Variants in MBP observed in about 807,000 individuals in gnomAD.
The protein encoded by MBP is Golli-MBP.
Under a neutral mutation model 35.8 loss-of-function variants are expected in MBP, and 16 were observed. That is an observed-to-expected ratio of 0.45 (90% CI 0.30 to 0.68). The LOEUF is 0.68. MBP is among the 30% of genes least tolerant of loss of function. The pLI, the probability that MBP is intolerant of heterozygous loss-of-function variation, is 0.08. For synonymous variants in MBP, 143 were observed against 159.6 expected, an observed-to-expected ratio of 0.90 and a Z score of 0.78; for missense variants, 380 against 404.7, an observed-to-expected ratio of 0.94 and a Z score of 0.52.
chr18:77,039,296 T>C lies in MBP; in HGVS notation c.140-22028A>G, dbSNP rs559461459. Among the ~76,000 whole-genome samples, 7 of 152,230 alleles carry C rather than the reference T, an allele frequency of 4.6e-5. No homozygotes were observed. In the East Asian group the frequency reaches 1.4e-3, roughly 29 times the overall value. ...TTAAAGTTCTAAGAACAGGCAGGGG[T>C]GACTAGTTGGTGCTGCCCTGATGGG... is the stretch of plus-strand genomic sequence containing the variant. On this transcript the variant is annotated intron_variant, in intron 3 of 8. Coordinates refer to ENST00000355994, the MANE Select transcript of MBP (RefSeq NM_001025101.2).
At chr18:76,986,023 A>C in intron 7 of MBP, 3 of 985,560 alleles carry the variant, frequency 3.0e-6, no homozygotes, top group Non-Finnish European at 3.6e-6. Flanking sequence ...TGGGAACTCC[A>C]CTGCAAACAT....
intron 3 of MBP, among the ~76,000 whole-genome samples, chr18:77,043,233 C>T (rs924403969): frequency 3.3e-5 from 5 of 152,114 alleles, no homozygotes; most frequent in African/African-American, 1.2e-4. Flanking sequence ...ACAATGGGCA[C>T]TTACAATAAT....
chr18:77,100,627 C>A lies in MBP; in HGVS notation c.51+4584G>T, dbSNP rs563902981. On this transcript the variant is annotated intron_variant, in intron 2 of 8. Coordinates refer to ENST00000355994, the MANE Select transcript of MBP (RefSeq NM_001025101.2). ...GTGCAGTGGTGTGATCATGGCTCAC[C>A]GTAGCCTCGACCTCTCCAGGCTCAG... Among the ~76,000 whole-genome samples, 42 of 151,876 alleles carry A rather than the reference C, an allele frequency of 2.8e-4. 1 individual carries two copies. Among genetic ancestry groups the A allele is most frequent in the Admixed American group, 5.9e-4 (9 of 15,262 alleles).
At chr18:77,058,346 CG>C (rs1391553497) in intron 3 of MBP, among the ~76,000 whole-genome samples, 1 of 152,192 alleles carries the variant, frequency 6.6e-6, no homozygotes, top group Non-Finnish European at 1.5e-5. Context: ...CTCCACGCTG[CG>C]GGGAGGCCAA....
intron 3 of MBP, among the ~76,000 whole-genome samples, chr18:77,063,422 G>A (rs778541870): frequency 6.6e-6 from 1 of 152,140 alleles, no homozygotes; most frequent in Non-Finnish European, 1.5e-5. Context: ...AGGATGCCTG[G>A]ACCACAAGCT....
Position 76,988,963 on chromosome 18 carries a change from T to C in MBP, c.682-51A>G, listed in dbSNP as rs750363661. 2 of 1,586,948 alleles carry C rather than the reference T, an allele frequency of 1.3e-6. No homozygotes were observed. The highest frequency in any genetic ancestry group is 1.7e-6 in the Non-Finnish European group (2 of 1,155,414). On this transcript the variant is annotated intron_variant, in intron 5 of 8. Coordinates refer to ENST00000355994, the MANE Select transcript of MBP (RefSeq NM_001025101.2). The surrounding 1 kb of genome is among the most constrained non-coding windows in gnomAD (Gnocchi z 5.2). Reference sequence around the variant, plus strand: ...CTGCACTGGGAGCCCTGTGCCGCCGTCCATTTCCTAACGGGCTCCTGCCTG... The same window carrying C: ...CTGCACTGGGAGCCCTGTGCCGCCGCCCATTTCCTAACGGGCTCCTGCCTG...
intron 3 of MBP, among the ~76,000 whole-genome samples, chr18:77,060,408 A>G (rs1599162982): frequency 1.3e-5 from 2 of 150,390 alleles, no homozygotes; most frequent in Admixed American, 6.6e-5. Flanking sequence ...GAGATGTTAA[A>G]GCATCCTGTA....
At chr18:76,991,485 G>A (rs112778076) in intron 4 of MBP, among the ~76,000 whole-genome samples, 12 of 152,280 alleles carry the variant, frequency 7.9e-5, no homozygotes, top group African/African-American at 2.6e-4. Flanking sequence ...TTGTCTGCTC[G>A]GCTCTCAGCT....
At chr18:77,080,707 G>A (rs1277393868) in intron 2 of MBP, among the ~76,000 whole-genome samples, 1 of 151,902 alleles carries the variant, frequency 6.6e-6, no homozygotes, top group Non-Finnish European at 1.5e-5. Context: ...TTTTTATGAT[G>A]AAGTCTCACT....
At chr18:77,084,047 G>A (rs771501766) in intron 2 of MBP, among the ~76,000 whole-genome samples, 3 of 151,838 alleles carry the variant, frequency 2.0e-5, no homozygotes, top group Non-Finnish European at 4.4e-5. Context: ...CTCAGTTTAT[G>A]GGTAGTTAAA....
rs984643109 is a variant in MBP at position 76,987,793 on chromosome 18, G to T, written c.750+702C>A. ...ATTTGCTAGTAACTAAAGTCTGTAAGTTTGGTTAGAATATAATGATTGGCA... is the reference window on the plus strand; with the variant it reads ...ATTTGCTAGTAACTAAAGTCTGTAATTTTGGTTAGAATATAATGATTGGCA... On this transcript the variant is annotated intron_variant, in intron 7 of 8. Transcript: ENST00000355994. 5 of 1,016,782 alleles carry T rather than the reference G, an allele frequency of 4.9e-6. No homozygotes were observed. In the African/African-American group the frequency reaches 5.2e-5, roughly 11 times the overall value. The allele number at this position is 1,016,782 out of a possible 1,614,324, so 63.0% of individuals were successfully genotyped here.
In MBP at chr18:76,989,622, G is replaced by GC. The variant is rs1969774171; in HGVS notation, c.681+333dup. ...AAAAATGCCCTGTGCTCTCTCTGCT[G>GC]CCCCCTCCGCTCCCAGCCCATGGCA... On this transcript the variant is annotated intron_variant, in intron 5 of 8. Transcript: ENST00000355994. The surrounding 1 kb of genome is among the most constrained non-coding windows in gnomAD (Gnocchi z 4.0). 5 of 311,370 alleles carry GC rather than the reference G, an allele frequency of 1.6e-5. No homozygotes were observed. Among genetic ancestry groups the GC allele is most frequent in the Non-Finnish European group, 2.4e-5 (4 of 163,416 alleles). 19.3% of individuals were successfully genotyped at this position (311,370 alleles called of 1,614,324 possible).
chr18:77,075,997 T>A (rs1324072064), intron 2 of MBP, among the ~76,000 whole-genome samples: 1 of 152,238 alleles, frequency 6.6e-6, no homozygotes, highest in Non-Finnish European at 1.5e-5. Context: ...CGATTACATT[T>A]ATCATGAACC....
Position 77,013,218 on chromosome 18 carries a change from C to T in MBP, c.576+3614G>A, listed in dbSNP as rs1971446829. 7.1e-6 allele frequency: 7 copies of T among 985,336 alleles called. No individual in the cohort carries two copies. In the South Asian group the frequency reaches 3.3e-4, roughly 46 times the overall value. The allele number at this position is 985,336 out of a possible 1,614,324, so 61.0% of individuals were successfully genotyped here. ...TCTAGAAGAATCTGTGGCCAAATCT[C>T]TTATCCAATGGAGGTACTGAGTGGC... On this transcript the variant is annotated intron_variant, in intron 4 of 8. Coordinates refer to ENST00000355994, the MANE Select transcript of MBP (RefSeq NM_001025101.2).
intron 4 of MBP, among the ~76,000 whole-genome samples, chr18:76,993,553 A>G (rs867206823): frequency 0.057 from 7,965 of 140,160 alleles, 246 homozygotes; most frequent in East Asian, 0.14. Context: ...TTGTCTCCAA[A>G]AAAAAAAAAA....
rs116558351 is a variant in MBP, at chr18:77,098,592, T to C, written c.51+6619A>G. On this transcript the variant is annotated intron_variant, in intron 2 of 8. Coordinates refer to ENST00000355994, the MANE Select transcript of MBP (RefSeq NM_001025101.2). ...TGAATTAAAAACAGGCTGTGTGTTG[T>C]CAGAGAAAATTCGTGGCAAGACAGC... 4.7e-3 allele frequency among the ~76,000 whole-genome samples: 723 copies of C among 152,324 alleles called. 3 individuals carry two copies. Among genetic ancestry groups the C allele is most frequent in the African/African-American group, 0.015 (629 of 41,582 alleles).
rs148236641 is a variant in MBP at position 77,023,194 on chromosome 18, C to T, written c.140-5926G>A. ...ATGTATCTCCGAGTGGTTTCTGAGGCACAGAAATGCACAGCAGGACGCAGC... is the reference window on the plus strand; with the variant it reads ...ATGTATCTCCGAGTGGTTTCTGAGGTACAGAAATGCACAGCAGGACGCAGC... On this transcript the variant is annotated intron_variant, in intron 3 of 8. Coordinates refer to ENST00000355994, the MANE Select transcript of MBP (RefSeq NM_001025101.2). 2.1e-3 allele frequency among the ~76,000 whole-genome samples: 316 copies of T among 152,228 alleles called. 2 individuals carry two copies. Among genetic ancestry groups the T allele is most frequent in the African/African-American group, 7.3e-3 (302 of 41,538 alleles).
chr18:77,116,657 G>A (rs757326818), intron 1 of MBP, among the ~76,000 whole-genome samples: 2 of 152,144 alleles, frequency 1.3e-5, no homozygotes, highest in Admixed American at 6.5e-5. Flanking sequence ...CGAGTAATGC[G>A]TGACCAGCCT....
At chr18:77,016,285 C>G in intron 4 of MBP, 1 of 986,150 alleles carries the variant, frequency 1.0e-6, no homozygotes, top group Non-Finnish European at 1.2e-6. Flanking sequence ...TATCCCTCCC[C>G]CCTTCCACTT....
Sources: allele counts gnomAD v4.1 joint callset (sites outside exome capture counted in the v4.1 genomes callset), GRCh38; gene constraint gnomAD v4.1.1; non-coding constraint Gnocchi (gnomAD v3.1); transcripts MANE v1.5; gene names NCBI Gene and HGNC (gene_info 2026-07-23, HGNC 2026-07-21).